The following C12orf42 variants were observed in gnomAD, a reference collection of about 807,000 sequenced individuals.
C12orf42 encodes the protein uncharacterized protein C12orf42.
C12orf42 carries 25 observed loss-of-function variants against 21.6 expected under a neutral mutation model. The ratio of observed to expected loss-of-function variants is 1.16; its 90% CI spans 0.84 to 1.62. The LOEUF (loss-of-function observed/expected upper bound fraction) is 1.62. C12orf42 is among the 40% of genes most tolerant of loss of function. The pLI is 0.00. For synonymous variants in C12orf42, 174 were observed against 175.0 expected (o/e 0.99, Z 0.05); for missense variants, 483 against 459.3 (o/e 1.05, Z -0.47).
At chr12:103,062,436 A>T in the C12orf42 span, among the ~76,000 whole-genome samples, 1 of 151,936 alleles carries the variant, frequency 6.6e-6, no homozygotes, top group Non-Finnish European at 1.5e-5. Context: ...AATAAATATT[A>T]TCTTTTAGCA....
the C12orf42 span, among the ~76,000 whole-genome samples, chr12:103,541,804 T>A: frequency 6.6e-6 from 1 of 152,122 alleles, no homozygotes; most frequent in African/African-American, 2.4e-5. Flanking sequence ...ACAAAAGCCA[T>A]GGTTTATGTT....
the C12orf42 span, among the ~76,000 whole-genome samples, chr12:103,147,623 CTT>C: frequency 7.6e-4 from 75 of 99,278 alleles, no homozygotes; most frequent in South Asian, 0.013. Context: ...TTCTCTCTCT[CTT>C]TTTTTTTTTT....
At chr12:103,335,225 T>C (rs2041588885) in intron 4 of C12orf42, among the ~76,000 whole-genome samples, 1 of 152,258 alleles carries the variant, frequency 6.6e-6, no homozygotes. Flanking sequence ...CTGCCATTGA[T>C]GCATAAGAGG....
the C12orf42 span, among the ~76,000 whole-genome samples, chr12:103,189,724 G>A: frequency 1.3e-5 from 2 of 152,172 alleles, no homozygotes; most frequent in South Asian, 2.1e-4. Flanking sequence ...GCCCACCCCA[G>A]TGGAACCACA....
chr12:103,163,915 A>G, the C12orf42 span, among the ~76,000 whole-genome samples: 1 of 152,186 alleles, frequency 6.6e-6, no homozygotes, highest in African/African-American at 2.4e-5. Flanking sequence ...TCATCTGGGG[A>G]AAAAGGCTCA....
the C12orf42 span, among the ~76,000 whole-genome samples, chr12:103,167,702 G>A: frequency 4.6e-5 from 7 of 151,988 alleles, no homozygotes; most frequent in South Asian, 2.1e-4. Flanking sequence ...TTAGTATGAT[G>A]TATCTCTTAG....
chr12:103,494,243 A>T (rs1176275261), intron 1 of C12orf42, among the ~76,000 whole-genome samples: 1 of 152,188 alleles, frequency 6.6e-6, no homozygotes, highest in Non-Finnish European at 1.5e-5. Context: ...AGCCCATCAG[A>T]AGGGAGTTTA....
chr12:103,446,378 A>G (rs1951576177), intron 2 of C12orf42, among the ~76,000 whole-genome samples: 1 of 152,032 alleles, frequency 6.6e-6, no homozygotes, highest in African/African-American at 2.4e-5. Context: ...TCTCGAAACA[A>G]ATCCTTGAAA....
chr12:103,203,105 T>C, the C12orf42 span, among the ~76,000 whole-genome samples: 2 of 152,132 alleles, frequency 1.3e-5, no homozygotes. Flanking sequence ...TACAGGGATA[T>C]TGGGCCAGGA....
At chr12:103,390,415 T>C (rs2046975676) in intron 3 of C12orf42, among the ~76,000 whole-genome samples, 1 of 152,162 alleles carries the variant, frequency 6.6e-6, no homozygotes, top group African/African-American at 2.4e-5. Flanking sequence ...CTTTTCATCA[T>C]CCCAAACAGA....
intron 4 of C12orf42, among the ~76,000 whole-genome samples, chr12:103,359,654 A>T (rs2043908096): frequency 6.6e-6 from 1 of 152,070 alleles, no homozygotes; most frequent in South Asian, 2.1e-4. Flanking sequence ...GAAGGGGTGG[A>T]TTATGAAGGG....
chr12:103,218,213 G>C, the C12orf42 span, among the ~76,000 whole-genome samples: 1 of 150,984 alleles, frequency 6.6e-6, no homozygotes, highest in Non-Finnish European at 1.5e-5. Flanking sequence ...CTGGGAGGCG[G>C]AAGTTGCGGT....
chr12:103,413,756 T>C lies in C12orf42; in HGVS notation c.79-12081A>G, dbSNP rs113998465. Among the ~76,000 whole-genome samples, 1,385 of 152,276 alleles carry C rather than the reference T, an allele frequency of 9.1e-3. 28 individuals carry two copies. Among genetic ancestry groups the C allele is most frequent in the African/African-American group, 0.032 (1,320 of 41,554 alleles). Reference sequence around the variant, plus strand: ...GTTTGGTTTTCCATTTCTAAGCTACTTCACTTAGAATAATGGTCTCCAACT... The same window carrying C: ...GTTTGGTTTTCCATTTCTAAGCTACCTCACTTAGAATAATGGTCTCCAACT... On this transcript the variant is annotated intron_variant, in intron 2 of 5. Coordinates refer to ENST00000548883, the MANE Select transcript of C12orf42 (RefSeq NM_198521.5).
chr12:103,139,632 A>G, the C12orf42 span, among the ~76,000 whole-genome samples: 2 of 152,324 alleles, frequency 1.3e-5, no homozygotes, highest in African/African-American at 2.4e-5. Flanking sequence ...AAGCAGCATC[A>G]ATACACAGAA....
chr12:103,332,208 C>A (rs940160122), intron 4 of C12orf42, among the ~76,000 whole-genome samples: 1 of 152,168 alleles, frequency 6.6e-6, no homozygotes, highest in African/African-American at 2.4e-5. Flanking sequence ...CACACACTAG[C>A]ATGCTTAACA....
chr12:103,226,438 AG>A, the C12orf42 span, among the ~76,000 whole-genome samples: 853 of 152,314 alleles, frequency 5.6e-3, 11 homozygotes, highest in African/African-American at 0.02. Context: ...AGGGCTGTAA[AG>A]CATCTCAGGT....
intron 4 of C12orf42, among the ~76,000 whole-genome samples, chr12:103,313,001 A>G (rs2039115781): frequency 6.6e-6 from 1 of 152,182 alleles, no homozygotes; most frequent in African/African-American, 2.4e-5. Context: ...TCTTGTAGCT[A>G]TCCCTTAAAA....
the C12orf42 span, among the ~76,000 whole-genome samples, chr12:103,197,669 G>A: frequency 1.3e-5 from 2 of 152,276 alleles, no homozygotes; most frequent in East Asian, 1.9e-4. Flanking sequence ...TATTGCACTG[G>A]TTGTTTCTCA....
At chr12:103,169,159 T>TATAAATAAATAA in the C12orf42 span, among the ~76,000 whole-genome samples, 39 of 145,488 alleles carry the variant, frequency 2.7e-4, 2 homozygotes, top group South Asian at 1.8e-3. Flanking sequence ...TAAAGTATAA[T>TATAAATAAATAA]ATAAATAAAT....
Sources: gnomAD v4.1 joint callset for allele counts (sites outside exome capture counted in the v4.1 genomes callset) on GRCh38, gnomAD v4.1.1 for gene constraint, MANE v1.5 for transcripts, NCBI Gene and HGNC (gene_info 2026-07-23, HGNC 2026-07-21) for gene names.